ANO5: variants seen among roughly 807,000 people sequenced by gnomAD.
ANO5 encodes anoctamin-5.
ANO5 carries 109 observed loss-of-function variants against 121.0 expected under a neutral mutation model. The observed-to-expected ratio is 0.90, with a 90% CI of 0.77 to 1.06. The LOEUF is 1.06. Among genes scored for constraint, ANO5 ranks in the 50% least tolerant of loss-of-function variants. The pLI is 0.00. For synonymous variants in ANO5, 406 were observed against 359.9 expected, an observed-to-expected ratio of 1.13 and a Z score of -1.45; for missense variants, 1,064 against 1,078.5, an observed-to-expected ratio of 0.99 and a Z score of 0.19.
At chr11:22,241,643 G>A (rs1172276816) in intron 9 of ANO5, among the ~76,000 whole-genome samples, 2 of 152,004 alleles carry the variant, frequency 1.3e-5, no homozygotes, top group East Asian at 3.9e-4. Context: ...CTCTGGATTA[G>A]TGATGATGAG....
chr11:22,236,572 T>C (rs1853228477), intron 8 of ANO5, among the ~76,000 whole-genome samples: 1 of 152,184 alleles, frequency 6.6e-6, no homozygotes, highest in South Asian at 2.1e-4. Flanking sequence ...TTTTTGAACA[T>C]AATATTTGGA....
intron 15 of ANO5, chr11:22,261,710 T>C (rs12275295): frequency 0.11 from 20,747 of 193,162 alleles, 3,747 homozygotes; most frequent in African/African-American, 0.41. Flanking sequence ...ATTCACTCAA[T>C]ACCAGGAGAA....
At chr11:22,257,857 C>G (rs1854056294) in intron 14 of ANO5, 103 bp downstream of exon 14, 1 of 948,024 alleles carries the variant, frequency 1.1e-6, no homozygotes, top group Non-Finnish European at 1.7e-6. Context: ...TCCTTTCCCT[C>G]TCCCTCCCTG....
At chr11:22,217,606 C>A (rs1852490298) in intron 3 of ANO5, among the ~76,000 whole-genome samples, 2 of 151,284 alleles carry the variant, frequency 1.3e-5, no homozygotes, top group African/African-American at 4.9e-5. Flanking sequence ...TTTCTCTTCT[C>A]TTCCTTAATT....
intron 7 of ANO5, among the ~76,000 whole-genome samples, chr11:22,235,143 C>T (rs1285370264): frequency 3.3e-5 from 5 of 151,884 alleles, no homozygotes; most frequent in Non-Finnish European, 1.5e-5. Flanking sequence ...TATTTTCAGG[C>T]CTAAATTCAG....
At chr11:22,216,366 T>C (rs1852443198) in intron 3 of ANO5, among the ~76,000 whole-genome samples, 1 of 151,928 alleles carries the variant, frequency 6.6e-6, no homozygotes, top group Non-Finnish European at 1.5e-5. Context: ...GATATTGATA[T>C]TGATAGCTTT....
chr11:22,230,405 T>A (rs540253114), intron 7 of ANO5, among the ~76,000 whole-genome samples: 1 of 152,054 alleles, frequency 6.6e-6, no homozygotes, highest in Non-Finnish European at 1.5e-5. Flanking sequence ...TAATATGTAA[T>A]ATATGGATTC....
At chr11:22,238,952 C>T (rs1853329530) in intron 8 of ANO5, among the ~76,000 whole-genome samples, 1 of 152,034 alleles carries the variant, frequency 6.6e-6, no homozygotes, top group South Asian at 2.1e-4. Flanking sequence ...AACAGAATGT[C>T]TTAAACAGCC....
chr11:22,228,553 C>T (rs1852924920), intron 7 of ANO5, among the ~76,000 whole-genome samples: 1 of 151,876 alleles, frequency 6.6e-6, no homozygotes, highest in African/African-American at 2.4e-5. Context: ...TAATGTTAGT[C>T]ATCCTACTAT....
At chr11:22,239,075 A>G (rs1000404130) in intron 8 of ANO5, among the ~76,000 whole-genome samples, 4 of 152,184 alleles carry the variant, frequency 2.6e-5, no homozygotes, top group Admixed American at 6.5e-5. Context: ...CTTAAATGCT[A>G]AAGTTTGTTG....
Position 22,267,686 on chromosome 11 carries a change from G to T in ANO5, c.1899-2626G>T, listed in dbSNP as rs189831198. 2.0e-5 allele frequency among the ~76,000 whole-genome samples: 3 copies of T among 151,734 alleles called. No individual in the cohort carries two copies. In the East Asian group the frequency reaches 5.8e-4, roughly 29 times the overall value. On this transcript the variant is annotated intron_variant, in intron 17 of 21. Transcript: ENST00000324559. The stretch of plus-strand genomic sequence containing the variant: ...TACACAAGTAACTTGTGTCATGGGG[G>T]TTTGTTGTATAGATTATTTTATCAT...
chr11:22,265,068 T>A (rs541902874), intron 17 of ANO5, among the ~76,000 whole-genome samples: 4 of 152,204 alleles, frequency 2.6e-5, no homozygotes, highest in East Asian at 1.9e-4. Flanking sequence ...TGCTGAACAT[T>A]TTTCAAAAAT....
rs1851710290 is a variant in ANO5 at position 22,193,378 on chromosome 11, G to GC, written c.-114dup. The GC allele has an allele frequency of 1.5e-6, 2 of 1,301,302 alleles. No homozygotes were observed. Among genetic ancestry groups the GC allele is most frequent in the Non-Finnish European group, 2.0e-6 (2 of 1,011,144 alleles). 80.6% of individuals were successfully genotyped at this position (1,301,302 alleles called of 1,614,324 possible). A position where few individuals can be genotyped will look rare whatever the true frequency, so the allele number is the denominator to read the frequency against. On this transcript the variant is annotated 5_prime_UTR_variant, in exon 1 of 22. Transcript: ENST00000324559. The stretch of plus-strand genomic sequence containing the variant: ...GCAGGCCCTTAGAAGTCCAGCAGCA[G>GC]CAACTCCGGCGGCCCACAGTCAGAT...
chr11:22,273,032 TG>T (rs764834668), intron 19 of ANO5, 43 bp downstream of exon 19: 2 of 1,544,738 alleles, frequency 1.3e-6, no homozygotes, highest in African/African-American at 1.4e-5. Context: ...TATTTCATTT[TG>T]GGGGGTGTGG....
rs1408912220 is a variant in ANO5, at chr11:22,283,275, G to T, written c.*3510G>T. On this transcript the variant is annotated 3_prime_UTR_variant, in exon 22 of 22. Transcript: ENST00000324559. ...GGAAGAGAAATATGCAGTTATGCAG[G>T]AAAAGCTCTCTTAAATAATGTGTAC... 1 of 152,122 alleles carries T rather than the reference G, an allele frequency of 6.6e-6. No homozygotes were observed. The highest frequency in any genetic ancestry group is 1.5e-5 in the Non-Finnish European group (1 of 68,026). 9.4% of individuals were successfully genotyped at this position (152,122 alleles called of 1,614,324 possible).
chr11:22,228,399 TA>T (rs1295471699), intron 7 of ANO5, among the ~76,000 whole-genome samples: 1 of 152,080 alleles, frequency 6.6e-6, no homozygotes, highest in Non-Finnish European at 1.5e-5. Context: ...ATTTATGTGA[TA>T]AAATGTGATG....
At chr11:22,241,682 G>C (rs190427142) in intron 9 of ANO5, among the ~76,000 whole-genome samples, 1 of 151,958 alleles carries the variant, frequency 6.6e-6, no homozygotes, top group East Asian at 1.9e-4. Context: ...TTGGCTGCTT[G>C]TATGTATTTT....
At chr11:22,205,331 G>C (rs1388305697) in intron 2 of ANO5, among the ~76,000 whole-genome samples, 3 of 152,004 alleles carry the variant, frequency 2.0e-5, no homozygotes, top group Non-Finnish European at 4.4e-5. Context: ...ACCTGCACTT[G>C]TATCTCTGGA....
intron 12 of ANO5, among the ~76,000 whole-genome samples, chr11:22,254,803 G>A (rs113037227): frequency 6.6e-6 from 1 of 152,032 alleles, no homozygotes; most frequent in Non-Finnish European, 1.5e-5. Flanking sequence ...GGGGGCTGAG[G>A]TGGAAGGATC....
Sources: gnomAD v4.1 joint callset for allele counts (sites outside exome capture counted in the v4.1 genomes callset) on GRCh38, gnomAD v4.1.1 for gene constraint, MANE v1.5 for transcripts, NCBI Gene and HGNC (gene_info 2026-07-23, HGNC 2026-07-21) for gene names.